RP1: variants seen among roughly 807,000 people sequenced by gnomAD.
RP1 encodes RP1 axonemal microtubule associated.
A neutral mutation model predicts 14.8 loss-of-function variants in RP1; 16 were observed. The observed-to-expected ratio is 1.08, with a 90% CI of 0.73 to 1.65. The LOEUF (loss-of-function observed/expected upper bound fraction) is 1.65. Ranked by LOEUF, RP1 falls within the 40% of genes most tolerant of loss-of-function variation. The pLI, the probability that RP1 is intolerant of heterozygous loss-of-function variation, is 0.00. For missense variants in RP1, 2,631 were observed against 2,535.0 expected, an observed-to-expected ratio of 1.04 and a Z score of -0.81; for synonymous variants, 876 against 883.6, an observed-to-expected ratio of 0.99 and a Z score of 0.15.
chr8:54,826,692 AC>A (rs1811392010), intron 24 of RP1, among the ~76,000 whole-genome samples: 1 of 152,200 alleles, frequency 6.6e-6, no homozygotes, highest in South Asian at 2.1e-4. Flanking sequence ...CTCATATGTC[AC>A]TCAATCCAAA....
At chr8:54,604,104 C>G (rs1326476024) in intron 1 of RP1, among the ~76,000 whole-genome samples, 1 of 152,126 alleles carries the variant, frequency 6.6e-6, no homozygotes, top group Admixed American at 6.6e-5. Context: ...GAGGGCATCC[C>G]TGTCTTGTGC....
chr8:54,663,253 T>C (rs1394101653), intron 6 of RP1, among the ~76,000 whole-genome samples: 1 of 152,132 alleles, frequency 6.6e-6, no homozygotes, highest in Non-Finnish European at 1.5e-5. Context: ...CTTATTTTAC[T>C]GAATAATGGC....
At chr8:54,775,943 GC>G (rs1030530064) in intron 23 of RP1, among the ~76,000 whole-genome samples, 2 of 152,192 alleles carry the variant, frequency 1.3e-5, no homozygotes, top group Non-Finnish European at 2.9e-5. Context: ...GGAATTGTTA[GC>G]AAATGCAGTT....
chr8:54,618,455 C>G (rs556906813), intron 1 of RP1, among the ~76,000 whole-genome samples: 122 of 152,256 alleles, frequency 8.0e-4, no homozygotes, highest in African/African-American at 2.9e-3. Context: ...GTTAACAGCT[C>G]TCCAAATAGT....
chr8:54,842,041 G>A (rs1175001231), intron 25 of RP1, among the ~76,000 whole-genome samples: 3 of 152,078 alleles, frequency 2.0e-5, no homozygotes, highest in Admixed American at 6.5e-5. Context: ...AAAATAAGCC[G>A]AAATGCCTGC....
downstream of RP1, among the ~76,000 whole-genome samples, chr8:54,772,846 GTTA>G (rs1809943140): frequency 6.6e-6 from 1 of 152,092 alleles, no homozygotes; most frequent in Admixed American, 6.6e-5. Flanking sequence ...ATCTTGTTGT[GTTA>G]TTTTTTTAAC....
chr8:54,684,453 G>C (rs964929560), intron 12 of RP1, among the ~76,000 whole-genome samples: 1 of 151,918 alleles, frequency 6.6e-6, no homozygotes, highest in Non-Finnish European at 1.5e-5. Flanking sequence ...GGCTTTTTTT[G>C]GTTGGTAGGC....
Position 54,627,621 on chromosome 8 carries a change from C to T in RP1, c.3739C>T (p.Pro1247Ser). Residue 1247 changes from proline (P) to serine (S), a missense_variant, in exon 4 of 4, where the codon CCT becomes TCT. By Grantham distance (74) the Pro-to-Ser change is moderately conservative. Coordinates refer to ENST00000220676, the MANE Select transcript of RP1 (RefSeq NM_006269.2). ...TTGCTCTGCCAGTGAGGCATGTGCC[C>T]CTGAAGTCTGTGTTTTGGAAGTGAC... is the stretch of plus-strand genomic sequence containing the variant. ...GGCSASEACA[P>S]EVCVLEVTCS... 1.2e-6 allele frequency: 2 copies of T among 1,614,144 alleles called. No homozygotes were observed. Among genetic ancestry groups the T allele is most frequent in the African/African-American group, 1.3e-5 (1 of 75,042 alleles).
At chr8:54,585,853 C>A (rs1310601343) in intron 1 of RP1, among the ~76,000 whole-genome samples, 1 of 151,204 alleles carries the variant, frequency 6.6e-6, no homozygotes, top group Non-Finnish European at 1.5e-5. Flanking sequence ...TCCATCAGGT[C>A]CTTTAAGGAC....
chr8:54,728,591 GA>G (rs1808715817), intron 17 of RP1, among the ~76,000 whole-genome samples: 1 of 152,094 alleles, frequency 6.6e-6, no homozygotes, highest in African/African-American at 2.4e-5. Flanking sequence ...TTATTAAGAA[GA>G]AAGATGGAAC....
At chr8:54,733,159 C>G (rs1020337529) in intron 17 of RP1, among the ~76,000 whole-genome samples, 1 of 152,132 alleles carries the variant, frequency 6.6e-6, no homozygotes, top group Non-Finnish European at 1.5e-5. Flanking sequence ...AGTGCAGGTG[C>G]GTTGCAGTTA....
At chr8:54,619,968 G>A (rs1805816240) in intron 1 of RP1, among the ~76,000 whole-genome samples, 2 of 152,124 alleles carry the variant, frequency 1.3e-5, no homozygotes, top group South Asian at 4.1e-4. Context: ...GTCAGGATAT[G>A]AAGGACTAAA....
chr8:54,786,073 G>T (rs141235774), intron 24 of RP1, among the ~76,000 whole-genome samples: 3 of 151,938 alleles, frequency 2.0e-5, no homozygotes, highest in African/African-American at 4.8e-5. Context: ...TTTTTCTCCC[G>T]TTTTTTGAGT....
chr8:54,706,422 G>C (rs143757187), intron 14 of RP1: 1 of 1,534,996 alleles, frequency 6.5e-7, no homozygotes, highest in South Asian at 1.2e-5. Flanking sequence ...CTGCCTTTCT[G>C]TTCTGTTTGT....
chr8:54,857,061 G>C (rs999547745), exon 27 of RP1: 1 of 1,217,408 alleles, frequency 8.2e-7, no homozygotes, highest in Non-Finnish European at 1.0e-6. Flanking sequence ...TGTATCTCTC[G>C]GAAAATTGAA....
intron 13 of RP1, chr8:54,699,670 T>A: frequency 2.0e-6 from 1 of 493,330 alleles, no homozygotes; most frequent in Non-Finnish European, 3.2e-6. Flanking sequence ...CCTTTTGGCT[T>A]GTACTAGCAC....
downstream of RP1, among the ~76,000 whole-genome samples, chr8:54,635,428 G>A (rs1024455898): frequency 3.3e-5 from 5 of 152,134 alleles, no homozygotes; most frequent in Non-Finnish European, 5.9e-5. Flanking sequence ...AGGATGGTAG[G>A]TTCATGGGAA....
chr8:54,783,531 C>T, intron 23 of RP1: 2 of 1,220,238 alleles, frequency 1.6e-6, no homozygotes, highest in Non-Finnish European at 1.0e-6. Context: ...ATATTGATCT[C>T]CTTTTTCCTT....
At chr8:54,847,742 G>T (rs1403644377) in intron 25 of RP1, among the ~76,000 whole-genome samples, 1 of 152,212 alleles carries the variant, frequency 6.6e-6, no homozygotes, top group Non-Finnish European at 1.5e-5. Flanking sequence ...AAGCTGTCAT[G>T]GTTCTTCACA....
Sources: gnomAD v4.1 joint callset for allele counts (sites outside exome capture counted in the v4.1 genomes callset) on GRCh38, gnomAD v4.1.1 for gene constraint, MANE v1.5 for transcripts, NCBI Gene and HGNC (gene_info 2026-07-23, HGNC 2026-07-21) for gene names.